The following CARM1 variants were observed in gnomAD, a reference collection of about 807,000 sequenced individuals.
The protein encoded by CARM1 is histone-arginine methyltransferase CARM1.
Under a neutral mutation model 72.7 loss-of-function variants are expected in CARM1, and 14 were observed. The ratio of observed to expected loss-of-function variants is 0.19; its 90% CI spans 0.13 to 0.30. CARM1 has a LOEUF of 0.30. Ranked by LOEUF, CARM1 falls within the 10% of genes least tolerant of loss-of-function variation. The pLI is 1.00. For synonymous variants in CARM1, 333 were observed against 345.5 expected (o/e 0.96, Z 0.40); for missense variants, 432 against 833.7 (o/e 0.52, Z 5.93).
intron 1 of CARM1, among the ~76,000 whole-genome samples, chr19:10,887,333 C>T (rs2073949244): frequency 6.6e-6 from 1 of 152,252 alleles, no homozygotes; most frequent in Non-Finnish European, 1.5e-5. Flanking sequence ...CCCCTGGTTC[C>T]TGCCGTGTGC....
intron 8 of CARM1, among the ~76,000 whole-genome samples, chr19:10,918,742 C>T (rs1048564291): frequency 6.6e-5 from 10 of 152,178 alleles, no homozygotes; most frequent in African/African-American, 1.9e-4. Context: ...CCCAAGGAAG[C>T]TGCTGAAAGG....
intron 2 of CARM1, among the ~76,000 whole-genome samples, chr19:10,906,583 G>T (rs531632151): frequency 3.3e-5 from 5 of 151,886 alleles, no homozygotes; most frequent in Non-Finnish European, 7.4e-5. Context: ...CTGCCTCAGC[G>T]CCCTGAGTAG....
chr19:10,920,223 A>AG lies in CARM1; in HGVS notation c.1197-210dup, dbSNP rs1327839965. 6.6e-6 allele frequency among the ~76,000 whole-genome samples: 1 copy of AG among 151,728 alleles called. No individual in the cohort carries two copies. Among genetic ancestry groups the AG allele is most frequent in the African/African-American group, 2.4e-5 (1 of 41,266 alleles). On this transcript the variant is annotated intron_variant, in intron 10 of 15. Transcript: ENST00000327064. The surrounding 1 kb of genome is among the most constrained non-coding windows in gnomAD (Gnocchi z 5.3). Reference sequence around the variant, plus strand: ...TCTCTTGGCACATGTCAGGGTGAGTAGGGATCTCGTGGTTGCGGGCCCCTC... The same window carrying AG: ...TCTCTTGGCACATGTCAGGGTGAGTAGGGGATCTCGTGGTTGCGGGCCCCTC...
intron 4 of CARM1, among the ~76,000 whole-genome samples, chr19:10,909,577 A>G (rs2074131005): frequency 6.6e-6 from 1 of 152,112 alleles, no homozygotes; most frequent in Non-Finnish European, 1.5e-5. Context: ...CTACTAAAAA[A>G]TACAAAAAAA....
intron 4 of CARM1, among the ~76,000 whole-genome samples, chr19:10,910,412 C>T (rs774263296): frequency 9.9e-5 from 15 of 150,770 alleles, no homozygotes; most frequent in Non-Finnish European, 2.1e-4. Context: ...ACCTGGGAGG[C>T]GGAGGTTGCA....
intron 1 of CARM1, among the ~76,000 whole-genome samples, chr19:10,898,032 C>T (rs2074036572): frequency 6.6e-6 from 1 of 151,054 alleles, no homozygotes; most frequent in Non-Finnish European, 1.5e-5. Context: ...GCGTGAACCC[C>T]AGGGAGTGGA....
intron 1 of CARM1, among the ~76,000 whole-genome samples, chr19:10,897,933 G>A (rs373288851): frequency 5.3e-5 from 8 of 151,820 alleles, no homozygotes; most frequent in Non-Finnish European, 7.4e-5. Flanking sequence ...GTGAAACCCC[G>A]TCTCTACAAA....
intron 1 of CARM1, among the ~76,000 whole-genome samples, chr19:10,883,604 G>A (rs536430885): frequency 5.9e-5 from 9 of 152,336 alleles, no homozygotes; most frequent in Admixed American, 2.0e-4. Context: ...TCAGGCCGGC[G>A]TGCAGTGGTG....
chr19:10,893,244 C>T (rs910955027), intron 1 of CARM1, among the ~76,000 whole-genome samples: 5 of 151,914 alleles, frequency 3.3e-5, no homozygotes, highest in East Asian at 1.9e-4. Context: ...ACCATGTTGG[C>T]CAGGCTGGTC....
At chr19:10,921,001 G>A in intron 13 of CARM1, 49 bp from the exon 14 acceptor site, 1 of 1,612,850 alleles carries the variant, frequency 6.2e-7, no homozygotes, top group East Asian at 2.2e-5. Flanking sequence ...CCTCGCCGCA[G>A]GCCTGGCCCC....
Position 10,874,681 on chromosome 19 carries a change from C to T in CARM1, c.220+2759C>T, listed in dbSNP as rs935270892. 1.2e-4 allele frequency among the ~76,000 whole-genome samples: 18 copies of T among 152,118 alleles called. 1 individual carries two copies. Among genetic ancestry groups the T allele is most frequent in the African/African-American group, 3.4e-4 (14 of 41,420 alleles). On this transcript the variant is annotated intron_variant, in intron 1 of 15. Transcript: ENST00000327064. ...TCCTGGAATTACAGGCATGAGCCAC[C>T]GCACCGCCCTCTTTATCCTTAAGTA... is the stretch of plus-strand genomic sequence containing the variant.
intron 14 of CARM1, 50 bp from the exon 15 acceptor site, chr19:10,921,325 G>A: frequency 1.3e-6 from 2 of 1,599,324 alleles, no homozygotes; most frequent in Non-Finnish European, 1.7e-6. Flanking sequence ...TGGGTGGCTG[G>A]GGGCGGTGAC....
chr19:10,917,425 C>T (rs956594489), intron 8 of CARM1, among the ~76,000 whole-genome samples: 3 of 151,796 alleles, frequency 2.0e-5, no homozygotes, highest in African/African-American at 4.8e-5. Flanking sequence ...TGCAGTGAGC[C>T]GAGATCGCAC....
intron 8 of CARM1, among the ~76,000 whole-genome samples, chr19:10,917,635 A>G (rs1233022941): frequency 6.6e-6 from 1 of 151,850 alleles, no homozygotes; most frequent in African/African-American, 2.4e-5. Context: ...TTACGTGTAC[A>G]GTGAACCTTT....
intron 1 of CARM1, among the ~76,000 whole-genome samples, chr19:10,880,550 C>T (rs1347579919): frequency 2.1e-5 from 3 of 143,084 alleles, no homozygotes; most frequent in African/African-American, 5.2e-5. Flanking sequence ...GACAGGGTCT[C>T]ACTATGTTGC....
At chr19:10,913,446 G>A (rs2074169756) in intron 5 of CARM1, among the ~76,000 whole-genome samples, 1 of 151,828 alleles carries the variant, frequency 6.6e-6, no homozygotes, top group Admixed American at 6.6e-5. Flanking sequence ...GCTGAGGTGG[G>A]AGAATCGCTA....
intron 1 of CARM1, among the ~76,000 whole-genome samples, chr19:10,879,202 A>C (rs895249332): frequency 2.0e-5 from 3 of 152,208 alleles, no homozygotes; most frequent in Non-Finnish European, 4.4e-5. Flanking sequence ...GGACAGAGGA[A>C]GGGACAAAGG....
intron 1 of CARM1, among the ~76,000 whole-genome samples, chr19:10,894,591 A>G (rs1350466189): frequency 6.6e-6 from 1 of 152,114 alleles, no homozygotes; most frequent in Non-Finnish European, 1.5e-5. Flanking sequence ...GCCGAGATAA[A>G]TAGCTTTAAT....
Position 10,882,743 on chromosome 19 carries a change from T to C in CARM1, c.220+10821T>C, listed in dbSNP as rs183681153. ...TTTTAGTAGAGACGGGGTTTCACCA[T>C]GTTAGCCAGGCTGGCCTCGAACTCC... On this transcript the variant is annotated intron_variant, in intron 1 of 15. Transcript: ENST00000327064. Among the ~76,000 whole-genome samples the C allele has an allele frequency of 3.6e-4, 55 of 152,146 alleles. 1 individual carries two copies. Among genetic ancestry groups the C allele is most frequent in the African/African-American group, 1.3e-3 (54 of 41,510 alleles).
Sources: gnomAD v4.1 joint callset for allele counts (sites outside exome capture counted in the v4.1 genomes callset) on GRCh38, gnomAD v4.1.1 for gene constraint, Gnocchi (gnomAD v3.1) non-coding constraint, MANE v1.5 for transcripts, NCBI Gene and HGNC (gene_info 2026-07-23, HGNC 2026-07-21) for gene names.